The following LAMA2 variants were observed in gnomAD, a reference collection of about 807,000 sequenced individuals.
LAMA2 encodes the protein laminin subunit alpha-2.
Under a neutral mutation model 364.8 loss-of-function variants are expected in LAMA2, and 269 were observed. The observed-to-expected ratio is 0.74, with a 90% confidence interval of 0.67 to 0.82. The LOEUF (loss-of-function observed/expected upper bound fraction) is 0.82. LAMA2 is among the 40% of genes least tolerant of loss of function. The pLI, the probability that LAMA2 is intolerant of heterozygous loss-of-function variation, is 0.00. For missense variants in LAMA2, 3,807 were observed against 3,873.2 expected (o/e 0.98, Z 0.45); for synonymous variants, 1,379 against 1,370.6 (o/e 1.01, Z -0.14).
At chr6:129,452,581 G>C (rs1224776368) in intron 45 of LAMA2, among the ~76,000 whole-genome samples, 2 of 152,146 alleles carry the variant, frequency 1.3e-5, no homozygotes, top group Admixed American at 1.3e-4. Flanking sequence ...CTTAGTTTAA[G>C]TGATACCAAA....
At chr6:129,339,651 G>C (rs970714468) in intron 29 of LAMA2, among the ~76,000 whole-genome samples, 13 of 152,092 alleles carry the variant, frequency 8.5e-5, no homozygotes, top group African/African-American at 3.1e-4. Context: ...AGGAAGAGTC[G>C]ATAAAGGAGA....
intron 1 of LAMA2, among the ~76,000 whole-genome samples, chr6:128,917,512 A>G (rs902150937): frequency 5.3e-5 from 8 of 152,014 alleles, no homozygotes; most frequent in Admixed American, 3.9e-4. Context: ...CAGGACTTAC[A>G]TATTGTTACA....
At chr6:128,979,526 G>A (rs1204059236) in intron 1 of LAMA2, among the ~76,000 whole-genome samples, 2 of 152,198 alleles carry the variant, frequency 1.3e-5, no homozygotes, top group Non-Finnish European at 2.9e-5. Flanking sequence ...CAGTAACTAG[G>A]TACTAGAGGA....
In LAMA2 at chr6:129,514,669, G is replaced by A. The variant is rs2297740; in HGVS notation, c.9211+74G>A. On this transcript the variant is annotated intron_variant, in intron 64 of 64. Transcript: ENST00000421865. ...TGGTTTTGAAAACATTTATATTTAC[G>A]TGTGTCTAAGAATGTGTGCTTATGT... 0.82 allele frequency: 947,312 copies of A among 1,158,082 alleles called. 391,823 individuals are homozygous for A. Among genetic ancestry groups the A allele is most frequent in the Non-Finnish European group, 0.86 (668,777 of 777,364 alleles). The allele number at this position is 1,158,082 out of a possible 1,614,324, so 71.7% of individuals were successfully genotyped here. A position where few individuals can be genotyped will look rare whatever the true frequency, so the allele number is the denominator to read the frequency against.
chr6:129,161,684 T>C (rs988317440), intron 8 of LAMA2, among the ~76,000 whole-genome samples: 13 of 152,174 alleles, frequency 8.5e-5, no homozygotes, highest in Non-Finnish European at 1.9e-4. Flanking sequence ...CCCTGGTGTC[T>C]ATTGTTGCCT....
At chr6:129,340,408 A>G (rs1025938561) in intron 29 of LAMA2, among the ~76,000 whole-genome samples, 1 of 152,042 alleles carries the variant, frequency 6.6e-6, no homozygotes, top group African/African-American at 2.4e-5. Context: ...AGGAAAGGAA[A>G]CCAATTTAGG....
chr6:129,399,632 AT>A (rs1779852504), intron 37 of LAMA2, among the ~76,000 whole-genome samples: 2 of 152,146 alleles, frequency 1.3e-5, no homozygotes, highest in Non-Finnish European at 2.9e-5. Flanking sequence ...GATAGGTGCT[AT>A]TTTAGATAGG....
chr6:129,513,470 G>A (rs1786768094), intron 63 of LAMA2, among the ~76,000 whole-genome samples: 1 of 152,070 alleles, frequency 6.6e-6, no homozygotes, highest in Non-Finnish European at 1.5e-5. Context: ...CCTTTTACAT[G>A]CAAAAGCCTG....
intron 42 of LAMA2, among the ~76,000 whole-genome samples, chr6:129,439,493 G>A (rs1781994140): frequency 6.6e-6 from 1 of 151,970 alleles, no homozygotes; most frequent in African/African-American, 2.4e-5. Context: ...TAAAGTACCT[G>A]CAGTAATAGG....
At chr6:129,106,153 CT>C (rs535577847) in intron 4 of LAMA2, among the ~76,000 whole-genome samples, 9,319 of 140,850 alleles carry the variant, frequency 0.066, 371 homozygotes, top group Non-Finnish European at 0.1. Context: ...CTTGAAGACA[CT>C]TTTTTTTTTT....
chr6:129,401,465 A>G (rs1325059301), intron 38 of LAMA2, 125 bp downstream of exon 38: 5 of 733,124 alleles, frequency 6.8e-6, no homozygotes, highest in African/African-American at 1.7e-5. Flanking sequence ...TTTTTGCATT[A>G]TTCTACTGTG....
chr6:129,408,480 C>T (rs926850295), intron 40 of LAMA2, among the ~76,000 whole-genome samples: 5 of 152,048 alleles, frequency 3.3e-5, no homozygotes, highest in South Asian at 2.1e-4. Context: ...ACCATGACAG[C>T]GAATAAGGCA....
chr6:129,353,412 C>T lies in LAMA2; in HGVS notation c.4717+55C>T, dbSNP rs188430564. 908 of 1,352,088 alleles carry T rather than the reference C, an allele frequency of 6.7e-4. 1 individual carries two copies. The African/African-American group carries it at 0.011, about 16-fold the overall frequency. 83.8% of individuals were successfully genotyped at this position (1,352,088 alleles called of 1,614,324 possible). A position where few individuals can be genotyped will look rare whatever the true frequency, so the allele number is the denominator to read the frequency against. ...GGAGGCCTTGATTCCAGTTCTGTCTCATTTCCAATGAGAAAGAGTGACTCT... is the reference window on the plus strand; with the variant it reads ...GGAGGCCTTGATTCCAGTTCTGTCTTATTTCCAATGAGAAAGAGTGACTCT... On this transcript the variant is annotated intron_variant, in intron 32 of 64. Transcript: ENST00000421865.
In LAMA2 at chr6:129,341,377, A is replaced by G. The variant is rs187779538; in HGVS notation, c.4312-966A>G. Among the ~76,000 whole-genome samples, 154 of 152,304 alleles carry G rather than the reference A, an allele frequency of 1.0e-3. 1 individual carries two copies. The highest frequency in any genetic ancestry group is 3.4e-3 in the African/African-American group (142 of 41,568). ...TCTTTCGATATTGTTTATAAGATGTAAGTCACTATTTTGACCACTCCAAAT... is the reference window on the plus strand; with the variant it reads ...TCTTTCGATATTGTTTATAAGATGTGAGTCACTATTTTGACCACTCCAAAT... On this transcript the variant is annotated intron_variant, in intron 29 of 64. Transcript: ENST00000421865.
chr6:128,938,780 A>G (rs1187371433), intron 1 of LAMA2, among the ~76,000 whole-genome samples: 1 of 152,156 alleles, frequency 6.6e-6, no homozygotes, highest in Non-Finnish European at 1.5e-5. Flanking sequence ...AAGAGTGACC[A>G]AAAGAATGGA....
At chr6:128,883,986 A>G (rs1257666355) in intron 1 of LAMA2, among the ~76,000 whole-genome samples, 2 of 151,956 alleles carry the variant, frequency 1.3e-5, no homozygotes, top group Non-Finnish European at 2.9e-5. Context: ...ATCCTATTTT[A>G]TTGTAGTGAA....
chr6:129,282,473 C>G (rs775315718), intron 18 of LAMA2, among the ~76,000 whole-genome samples: 12 of 152,074 alleles, frequency 7.9e-5, no homozygotes, highest in Non-Finnish European at 1.3e-4. Context: ...TCTCCTCTCT[C>G]CCAGCTAGAA....
At chr6:129,222,078 T>G (rs1783892361) in intron 12 of LAMA2, among the ~76,000 whole-genome samples, 1 of 152,150 alleles carries the variant, frequency 6.6e-6, no homozygotes, top group Non-Finnish European at 1.5e-5. Context: ...TGCTGCAGGG[T>G]AACGGGGTGG....
At chr6:129,442,700 A>C in intron 43 of LAMA2, 1 of 312,112 alleles carries the variant, frequency 3.2e-6, no homozygotes, top group South Asian at 3.2e-5. Flanking sequence ...CTCCAAAAGA[A>C]TTCCATTCTA....
Sources: allele counts gnomAD v4.1 joint callset (sites outside exome capture counted in the v4.1 genomes callset), GRCh38; gene constraint gnomAD v4.1.1; transcripts MANE v1.5; gene names NCBI Gene and HGNC (gene_info 2026-07-23, HGNC 2026-07-21).